The following CROCC variants were observed in gnomAD, a reference collection of about 807,000 sequenced individuals.
The protein encoded by CROCC is ciliary rootlet coiled-coil, rootletin.
Under a neutral mutation model 245.2 loss-of-function variants are expected in CROCC, and 180 were observed. The ratio of observed to expected loss-of-function variants is 0.73; its 90% confidence interval spans 0.65 to 0.83. CROCC has a LOEUF of 0.83. Among genes scored for constraint, CROCC ranks in the 40% least tolerant of loss-of-function variants. The pLI, the probability that CROCC is intolerant of heterozygous loss-of-function variation, is 0.00. For missense variants in CROCC, 2,688 were observed against 2,779.4 expected, an observed-to-expected ratio of 0.97 and a Z score of 0.74; for synonymous variants, 1,205 against 1,241.6, an observed-to-expected ratio of 0.97 and a Z score of 0.62.
intron 23 of CROCC, 123 bp from the exon 24 acceptor site, chr1:16,955,189 C>CT (rs1156803332): frequency 2.2e-6 from 2 of 913,354 alleles, no homozygotes; most frequent in Admixed American, 4.5e-5. Flanking sequence ...AACTCACAGC[C>CT]TGCGGTCTGA....
intron 27 of CROCC, among the ~76,000 whole-genome samples, chr1:16,964,383 TC>T (rs1476492997): frequency 2.6e-5 from 4 of 151,452 alleles, no homozygotes; most frequent in African/African-American, 9.7e-5. Context: ...TTTTCTTTCC[TC>T]TTCTTTCTTC....
At position 16,915,412 on chromosome 1, in the gene CROCC, G is replaced by T. The variant is rs1322542115; in HGVS notation, n.126-14874G>T. Among the ~76,000 whole-genome samples, 5 of 152,418 alleles carry T rather than the reference G, an allele frequency of 3.3e-5. No individual in the cohort carries two copies. In the South Asian group the frequency reaches 8.3e-4, roughly 25 times the overall value. On this transcript the variant is annotated intron_variant and non_coding_transcript_variant, in intron 1 of 8. Coordinates refer to the CROCC transcript ENST00000466256. The stretch of plus-strand genomic sequence containing the variant: ...CTAAGCCAACCTGGCACTTTGGGAG[G>T]CTGAGGTGGGAGGACCGCTTGAGCC...
chr1:16,954,671 T>C lies in CROCC; in HGVS notation c.3322-63T>C, dbSNP rs1054223395. 24 of 1,488,760 alleles carry C rather than the reference T, an allele frequency of 1.6e-5. No homozygotes were observed. The African/African-American group carries it at 2.5e-4, about 16-fold the overall frequency. The allele number at this position is 1,488,760 out of a possible 1,614,324, so 92.2% of individuals were successfully genotyped here. ...AAAAGTGGACAGTGCACTGAGCGGG[T>C]TGGGAGCAGCCCGGGGCTGGGGGAC... is the stretch of plus-strand genomic sequence containing the variant. On this transcript the variant is annotated intron_variant, in intron 22 of 36. Coordinates refer to ENST00000375541, the MANE Select transcript of CROCC (RefSeq NM_014675.5). The surrounding 1 kb of genome is among the most constrained non-coding windows in gnomAD (Gnocchi z 4.4).
chr1:16,970,327 G>C lies in CROCC; in HGVS notation c.5526G>C (p.Leu1842=). Residue 1842 remains leucine (L), a synonymous_variant, in exon 34 of 37, where the codon CTG becomes CTC. Transcript: ENST00000375541. ...TVQKLQDERR[L]LQERLGSLQR... is the part of the protein sequence containing the mutation. Reference sequence around the variant, plus strand: ...AGAAGCTGCAAGACGAGCGGCGGCTGCTGCAGGAGCGCCTGGGAAGCCTGC... The same window carrying C: ...AGAAGCTGCAAGACGAGCGGCGGCTCCTGCAGGAGCGCCTGGGAAGCCTGC... 1.3e-6 allele frequency: 2 copies of C among 1,586,562 alleles called. No individual in the cohort carries two copies. The highest frequency in any genetic ancestry group is 1.7e-6 in the Non-Finnish European group (2 of 1,167,704).
chr1:16,969,305 C>A lies in CROCC; in HGVS notation c.5266C>A (p.Leu1756Met), dbSNP rs1303492122. 1 of 1,611,826 alleles carries A rather than the reference C, an allele frequency of 6.2e-7. No homozygotes were observed. The highest frequency in any genetic ancestry group is 1.3e-5 in the African/African-American group (1 of 74,988). ...RDKNLHLQKALTACEHDRQVL... is the reference protein window; with the variant it reads ...RDKNLHLQKAMTACEHDRQVL... ...CAAGAACCTGCATCTGCAGAAGGCT[C>A]TGACCGCCTGTGAACATGACCGCCA... The change falls in exon 32 of 37, where the codon CTG becomes ATG. Residue 1756 changes from leucine to methionine, a missense_variant. Leu to Met is a conservative substitution (Grantham distance 15). This residue lies in a region of CROCC where 1,218 missense variants were observed against 1,286.3 expected (regional missense o/e 0.95). Transcript: ENST00000375541.
chr1:16,921,825 T>A (rs1227757134), upstream of CROCC: 2 of 602,642 alleles, frequency 3.3e-6, no homozygotes, highest in Non-Finnish European at 5.9e-6. Flanking sequence ...CCTCCTCTCC[T>A]GTCCTTTCCC....
intron 8 of CROCC, among the ~76,000 whole-genome samples, chr1:16,934,936 G>C (rs1282640413): frequency 8.3e-6 from 1 of 120,528 alleles, no homozygotes; most frequent in African/African-American, 3.2e-5. Context: ...GTCTTGCTCT[G>C]TCTCCCATGC....
chr1:16,969,220 G>C lies in CROCC; in HGVS notation c.5181G>C (p.Lys1727Asn). Residue 1727 changes from lysine (K) to asparagine (N), a missense_variant, in exon 32 of 37, where the codon AAG (lysine) becomes AAC (asparagine). By Grantham distance (94) the Lys-to-Asn change is moderately conservative (BLOSUM62 0). This residue lies in a region of CROCC where 1,218 missense variants were observed against 1,286.3 expected (regional missense o/e 0.95). Coordinates refer to ENST00000375541, the MANE Select transcript of CROCC (RefSeq NM_014675.5). ...AAAGCGAGGGGGCCCTGCGGGACAA[G>C]GTGCGGGGCCTGACAGAGGCCCTGG... The part of the protein sequence containing the change: ...VEESEGALRD[K>N]VRGLTEALAQ... 1 of 1,611,402 alleles carries C rather than the reference G, an allele frequency of 6.2e-7. No homozygotes were observed. Among genetic ancestry groups the C allele is most frequent in the Non-Finnish European group, 8.5e-7 (1 of 1,178,160 alleles).
At chr1:16,963,677 C>T (rs1442920118) in intron 27 of CROCC, among the ~76,000 whole-genome samples, 1 of 152,144 alleles carries the variant, frequency 6.6e-6, no homozygotes, top group Non-Finnish European at 1.5e-5. Flanking sequence ...TTCCACCCGC[C>T]CTGCCCCCTC....
chr1:16,937,306 T>C (rs2075812529), intron 9 of CROCC, among the ~76,000 whole-genome samples: 1 of 149,936 alleles, frequency 6.7e-6, no homozygotes, highest in Non-Finnish European at 1.5e-5. Context: ...TGAGCCAAGA[T>C]CACATCTCTG....
intron 25 of CROCC, among the ~76,000 whole-genome samples, 184 bp downstream of exon 25, chr1:16,956,340 T>G (rs1479543751): frequency 6.6e-6 from 1 of 152,204 alleles, no homozygotes; most frequent in Non-Finnish European, 1.5e-5. Flanking sequence ...CCTGAAACTG[T>G]GCAAAAGTCT....
chr1:16,940,367 G>C (rs1242977729), intron 13 of CROCC, among the ~76,000 whole-genome samples: 2 of 151,458 alleles, frequency 1.3e-5, no homozygotes, highest in Non-Finnish European at 2.9e-5. Flanking sequence ...GGGACTACAG[G>C]CCCCTGCCAC....
chr1:16,946,159 C>G, intron 15 of CROCC, 100 bp from the exon 16 acceptor site: 1 of 1,344,590 alleles, frequency 7.4e-7, no homozygotes, highest in African/African-American at 1.4e-5. Context: ...TCTCCCCTAC[C>G]CTGTCTCTGA....
intron 18 of CROCC, 23 bp from the exon 19 acceptor site, chr1:16,948,776 C>T (rs764579135): frequency 7.4e-6 from 12 of 1,611,032 alleles, no homozygotes; most frequent in African/African-American, 1.3e-5. Flanking sequence ...GTCCCAGGGC[C>T]TCAGGGACTG....
At chr1:16,934,576 T>C (rs2075747663) in intron 8 of CROCC, among the ~76,000 whole-genome samples, 1 of 152,282 alleles carries the variant, frequency 6.6e-6, no homozygotes, top group African/African-American at 2.4e-5. Context: ...GTGCTGGAAT[T>C]ACAGAAATGG....
At chr1:16,917,299 C>G (rs1379097913), upstream of CROCC, among the ~76,000 whole-genome samples, 19 of 152,272 alleles carry the variant, frequency 1.2e-4, no homozygotes, top group African/African-American at 4.6e-4. Context: ...AGGTAAGGGA[C>G]AGATGTAACG....
intron 3 of CROCC, among the ~76,000 whole-genome samples, chr1:16,926,031 G>A (rs2075527624): frequency 1.3e-5 from 2 of 152,274 alleles, no homozygotes; most frequent in African/African-American, 2.4e-5. Flanking sequence ...GGGAAGAGGT[G>A]GGAGGTAGCA....
intron 8 of CROCC, among the ~76,000 whole-genome samples, chr1:16,932,635 G>A (rs1249324996): frequency 7.2e-5 from 11 of 152,304 alleles, no homozygotes; most frequent in African/African-American, 2.4e-4. Flanking sequence ...GCTCCAAGCA[G>A]GAGCAAGGCA....
intron 8 of CROCC, among the ~76,000 whole-genome samples, chr1:16,935,884 GCTGGGGTATATCGTTGGAT>G (rs2075776724): frequency 6.6e-6 from 1 of 152,276 alleles, no homozygotes; most frequent in South Asian, 2.1e-4. Context: ...TCTCCTCTGT[GCTGGGGTATATCGTTGGAT>G]ACGTTCTTAG....
Sources: gnomAD v4.1 joint callset for allele counts (sites outside exome capture counted in the v4.1 genomes callset) on GRCh38, gnomAD v4.1.1 for gene constraint, gnomAD v4.1.1 regional missense constraint, Gnocchi (gnomAD v3.1) non-coding constraint, MANE v1.5 for transcripts, NCBI Gene and HGNC (gene_info 2026-07-23, HGNC 2026-07-21) for gene names.